CACNA2D2: variants seen among roughly 807,000 people sequenced by gnomAD.
The protein encoded by CACNA2D2 is calcium voltage-gated channel auxiliary subunit alpha2delta 2, also known as voltage-dependent calcium channel subunit alpha-2/delta-2.
Under a neutral mutation model 166.4 loss-of-function variants are expected in CACNA2D2, and 48 were observed. The ratio of observed to expected loss-of-function variants is 0.29; its 90% CI spans 0.23 to 0.37. The LOEUF (loss-of-function observed/expected upper bound fraction) is 0.37, where lower values mean the gene tolerates loss of function less well. Ranked by LOEUF, CACNA2D2 falls within the 10% of genes least tolerant of loss-of-function variation. The probability of loss-of-function intolerance (pLI) is 1.00; values close to 1 mark genes in which losing one functional copy is unlikely to be tolerated. For synonymous variants in CACNA2D2, 561 were observed against 573.7 expected (o/e 0.98, Z 0.32); for missense variants, 1,122 against 1,433.0 (o/e 0.78, Z 3.50).
At chr3:50,373,315 G>A (rs2109430668) in intron 22 of CACNA2D2, among the ~76,000 whole-genome samples, 1 of 151,060 alleles carries the variant, frequency 6.6e-6, no homozygotes, top group Non-Finnish European at 1.5e-5. Flanking sequence ...CCCCCAGTCG[G>A]CCAGGCAGGT....
chr3:50,451,377 C>T (rs1284568197), intron 2 of CACNA2D2, among the ~76,000 whole-genome samples: 2 of 152,108 alleles, frequency 1.3e-5, no homozygotes, highest in African/African-American at 2.4e-5. Context: ...CTGCCCACCT[C>T]GGCCTCCCAA....
chr3:50,493,968 G>A (rs1173283611), intron 1 of CACNA2D2, among the ~76,000 whole-genome samples: 1 of 152,228 alleles, frequency 6.6e-6, no homozygotes, highest in Non-Finnish European at 1.5e-5. Flanking sequence ...TCCCAGGGCC[G>A]GAGGCTGGAG....
chr3:50,474,873 G>A (rs144060129), intron 2 of CACNA2D2, among the ~76,000 whole-genome samples: 4 of 152,316 alleles, frequency 2.6e-5, no homozygotes, highest in Non-Finnish European at 5.9e-5. Flanking sequence ...TGGCCTCCAA[G>A]TGCGGCTGAG....
At chr3:50,407,600 T>C (rs533342290) in intron 3 of CACNA2D2, among the ~76,000 whole-genome samples, 84 of 152,336 alleles carry the variant, frequency 5.5e-4, no homozygotes, top group Admixed American at 1.8e-3. Flanking sequence ...AGCCAGGAGC[T>C]GCATGTGTAA....
intron 22 of CACNA2D2, chr3:50,373,102 A>C (rs1438961155): frequency 6.5e-7 from 1 of 1,534,964 alleles, no homozygotes; most frequent in South Asian, 1.2e-5. Context: ...CAGTCCACCA[A>C]GAGAGAAAGC....
Position 50,365,316 on chromosome 3 carries a change from G to T in CACNA2D2, c.3098+40C>A, listed in dbSNP as rs369087769. Reference sequence around the variant, plus strand: ...CCCGAGCGTCTCGCCCCGCTCACAGGTTCCGCCCTTGGCCTCTGGTCCCGC... The same window carrying T: ...CCCGAGCGTCTCGCCCCGCTCACAGTTTCCGCCCTTGGCCTCTGGTCCCGC... On this transcript the variant is annotated intron_variant, in intron 35 of 37. Coordinates refer to ENST00000424201, the MANE Select transcript of CACNA2D2 (RefSeq NM_006030.4). This position sits in a 1 kb window ranked among gnomAD's most constrained non-coding sequence, Gnocchi z 4.5. The T allele has an allele frequency of 6.2e-7, 1 of 1,602,200 alleles. No individual in the cohort carries two copies. The highest frequency in any genetic ancestry group is 2.3e-5 in the East Asian group (1 of 44,284).
chr3:50,493,157 A>C (rs1362396001), intron 1 of CACNA2D2, among the ~76,000 whole-genome samples: 2 of 151,886 alleles, frequency 1.3e-5, no homozygotes, highest in African/African-American at 4.8e-5. Context: ...CTCTCCTCTG[A>C]CCCTGCAGCC....
In CACNA2D2 at chr3:50,376,434, C is replaced by A. The variant is rs911517743; in HGVS notation, c.1627-246G>T. Reference sequence around the variant, plus strand: ...GTGTGGGCTGCTGCTCTGCAGTCCTCATCCTCTCCCCCTGGTTCTCATGAG... The same window carrying A: ...GTGTGGGCTGCTGCTCTGCAGTCCTAATCCTCTCCCCCTGGTTCTCATGAG... On this transcript the variant is annotated intron_variant, in intron 17 of 37. Coordinates refer to ENST00000424201, the MANE Select transcript of CACNA2D2 (RefSeq NM_006030.4). The surrounding 1 kb of genome is among the most constrained non-coding windows in gnomAD (Gnocchi z 4.3). Among the ~76,000 whole-genome samples the A allele has an allele frequency of 2.6e-5, 4 of 152,180 alleles. No homozygotes were observed. Among genetic ancestry groups the A allele is most frequent in the African/African-American group, 9.7e-5 (4 of 41,434 alleles).
intron 3 of CACNA2D2, among the ~76,000 whole-genome samples, chr3:50,419,516 T>C (rs1205718273): frequency 6.6e-6 from 1 of 152,162 alleles, no homozygotes; most frequent in East Asian, 1.9e-4. Context: ...TCTCACTTGA[T>C]GAATAACCCT....
rs186324629 is a variant in CACNA2D2 at position 50,459,848 on chromosome 3, T to C, written c.288+16270A>G. On this transcript the variant is annotated intron_variant, in intron 2 of 37. Transcript: ENST00000424201. ...GGTCAGCAGACATCTGAGGAAGGAA[T>C]ATGAGAGGCAGGCAGTGCTTCCCAA... 6.6e-4 allele frequency among the ~76,000 whole-genome samples: 101 copies of C among 152,268 alleles called. 1 individual carries two copies. Among genetic ancestry groups the C allele is most frequent in the Admixed American group, 5.7e-3 (87 of 15,290 alleles).
intron 1 of CACNA2D2, 131 bp downstream of exon 1, chr3:50,503,087 C>A: frequency 2.3e-6 from 1 of 430,722 alleles, no homozygotes; most frequent in Non-Finnish European, 3.5e-6. Flanking sequence ...GCCGTCGCCC[C>A]CGGGCGCAGC....
chr3:50,501,317 C>T (rs1219399746), intron 1 of CACNA2D2, among the ~76,000 whole-genome samples: 1 of 152,206 alleles, frequency 6.6e-6, no homozygotes, highest in East Asian at 1.9e-4. Flanking sequence ...GCTGTCACAG[C>T]AAACCCTCTG....
chr3:50,450,166 C>T (rs1012655681), intron 2 of CACNA2D2, among the ~76,000 whole-genome samples: 14 of 152,220 alleles, frequency 9.2e-5, no homozygotes, highest in South Asian at 2.1e-4. Context: ...CACTATACAG[C>T]CCCACCTTCC....
In CACNA2D2 at chr3:50,384,332, G is replaced by T; in HGVS notation, c.516C>A (p.Asp172Glu). Residue 172 changes from aspartate (D) to glutamate (E), a missense_variant, in exon 6 of 38, where the codon GAC becomes GAA. Around this residue, in one of 2 missense-constraint regions of CACNA2D2, gnomAD observed 840 missense variants for 1,166.8 expected, o/e 0.72. Transcript: ENST00000424201. ...YDAKADAELDDPESEDVERGS... is the reference protein window; with the variant it reads ...YDAKADAELDEPESEDVERGS... ...CCCTTTCCACATCCTCACTCTCAGG[G>T]TCGTCCTGCAGAAAGGGCACCCCCG... is the stretch of plus-strand genomic sequence containing the variant. 1 of 1,613,456 alleles carries T rather than the reference G, an allele frequency of 6.2e-7. No homozygotes were observed. Among genetic ancestry groups the T allele is most frequent in the Non-Finnish European group, 8.5e-7 (1 of 1,179,516 alleles).
At chr3:50,493,054 A>T (rs574290386) in intron 1 of CACNA2D2, among the ~76,000 whole-genome samples, 3 of 152,304 alleles carry the variant, frequency 2.0e-5, no homozygotes, top group East Asian at 3.9e-4. Flanking sequence ...GATGTGGTTA[A>T]AACAACTACT....
At position 50,375,289 on chromosome 3, in the gene CACNA2D2, T is replaced by C. The variant is rs1704911795; in HGVS notation, c.1907+355A>G. Among the ~76,000 whole-genome samples, 1 of 152,038 alleles carries C rather than the reference T, an allele frequency of 6.6e-6. No homozygotes were observed. The highest frequency in any genetic ancestry group is 6.5e-5 in the Admixed American group (1 of 15,272). The stretch of plus-strand genomic sequence containing the variant: ...ATGGGCTGTGAGGATGCCCCGGCAT[T>C]TCAGGATGGACTAGCTGTGTGGGGC... On this transcript the variant is annotated intron_variant, in intron 21 of 37. Coordinates refer to ENST00000424201, the MANE Select transcript of CACNA2D2 (RefSeq NM_006030.4). The surrounding 1 kb of genome is among the most constrained non-coding windows in gnomAD (Gnocchi z 4.0).
At position 50,476,271 on chromosome 3, in the gene CACNA2D2, C is replaced by T. The variant is rs563214873; in HGVS notation, c.207-72G>A. 261 of 1,256,912 alleles carry T rather than the reference C, an allele frequency of 2.1e-4. No homozygotes were observed. The African/African-American group carries it at 3.4e-3, about 16-fold the overall frequency. 77.9% of individuals were successfully genotyped at this position (1,256,912 alleles called of 1,614,324 possible). On this transcript the variant is annotated intron_variant, in intron 1 of 37. Coordinates refer to ENST00000424201, the MANE Select transcript of CACNA2D2 (RefSeq NM_006030.4). ...CTGCACAGCCCCACCCCAGCCAACCCGGGGGCACTGGGGGCAACTATCCAC... is the reference window on the plus strand; with the variant it reads ...CTGCACAGCCCCACCCCAGCCAACCTGGGGGCACTGGGGGCAACTATCCAC...
rs1559972510 is a variant in CACNA2D2, at chr3:50,462,430, A to ATG, written c.288+13687_288+13688insCA. On this transcript the variant is annotated intron_variant, in intron 2 of 37. Transcript: ENST00000424201. ...TAATAATAATAATAATAATAATAAT[A>ATG]ATGATAATAATAATAAAACTAACAA... Among the ~76,000 whole-genome samples, 316 of 141,922 alleles carry ATG rather than the reference A, an allele frequency of 2.2e-3. 6 individuals carry two copies. In the East Asian group the frequency reaches 0.044, roughly 20 times the overall value. The allele number at this position is 141,922 out of a possible 152,430, so 93.1% of individuals were successfully genotyped here. A position where few individuals can be genotyped will look rare whatever the true frequency, so the allele number is the denominator to read the frequency against.
intron 17 of CACNA2D2, 50 bp downstream of exon 17, chr3:50,377,417 C>T (rs1190424480): frequency 6.8e-7 from 1 of 1,474,344 alleles, no homozygotes; most frequent in Non-Finnish European, 9.5e-7. Context: ...CTGAGCCTGC[C>T]TGTGTCCACA....
Sources: gnomAD v4.1 joint callset for allele counts (sites outside exome capture counted in the v4.1 genomes callset) on GRCh38, gnomAD v4.1.1 for gene constraint, gnomAD v4.1.1 regional missense constraint, Gnocchi (gnomAD v3.1) non-coding constraint, MANE v1.5 for transcripts, NCBI Gene and HGNC (gene_info 2026-07-23, HGNC 2026-07-21) for gene names.